The following PLB1 variants were observed in gnomAD, a reference collection of about 807,000 sequenced individuals.
PLB1 encodes the protein phospholipase B1.
Under a neutral mutation model 227.4 loss-of-function variants are expected in PLB1, and 242 were observed. The ratio of observed to expected loss-of-function variants is 1.06; its 90% confidence interval spans 0.96 to 1.18. The LOEUF (loss-of-function observed/expected upper bound fraction) is 1.18. Ranked by LOEUF, PLB1 falls within the 50% of genes most tolerant of loss-of-function variation. PLB1 has a pLI of 0.00. For synonymous variants in PLB1, 757 were observed against 682.2 expected (o/e 1.11, Z -1.71); for missense variants, 1,858 against 1,816.3 (o/e 1.02, Z -0.42).
intron 17 of PLB1, among the ~76,000 whole-genome samples, chr2:28,555,581 A>T (rs377075186): frequency 6.6e-6 from 1 of 152,146 alleles, no homozygotes; most frequent in East Asian, 1.9e-4. Flanking sequence ...TCTTCTGGAG[A>T]TCATGTTTGC....
intron 17 of PLB1, 38 bp downstream of exon 17, chr2:28,553,029 G>A (rs1572929918): frequency 3.2e-6 from 5 of 1,575,774 alleles, no homozygotes; most frequent in East Asian, 2.2e-5. Flanking sequence ...AAATTCATTC[G>A]AGGCCTGAAA....
chr2:28,541,305 A>G (rs2148208320), intron 12 of PLB1, among the ~76,000 whole-genome samples: 1 of 152,346 alleles, frequency 6.6e-6, no homozygotes, highest in African/African-American at 2.4e-5. Flanking sequence ...TTTGCTTATG[A>G]AGAAAATTGC....
At chr2:28,569,978 AAGAAAG>A (rs1209123305) in intron 20 of PLB1, among the ~76,000 whole-genome samples, 2,200 of 114,698 alleles carry the variant, frequency 0.019, 114 homozygotes, top group African/African-American at 0.049. Flanking sequence ...AAAAAAAAAA[AAGAAAG>A]AAAAAAGAAA....
chr2:28,548,794 C>A, intron 14 of PLB1, 66 bp from the exon 15 acceptor site: 1 of 1,491,518 alleles, frequency 6.7e-7, no homozygotes, highest in Non-Finnish European at 9.3e-7. Flanking sequence ...GTCTTTCTCA[C>A]TGGTGACTTG....
At chr2:28,591,112 C>T in intron 29 of PLB1, 21 bp from the exon 30 acceptor site, 1 of 1,614,112 alleles carries the variant, frequency 6.2e-7, no homozygotes, top group Non-Finnish European at 8.5e-7. Context: ...GCTGCCATTG[C>T]TCACCCCCCT....
chr2:28,604,623 C>T (rs1185988388), intron 40 of PLB1, 32 bp from the exon 41 acceptor site: 2 of 1,600,082 alleles, frequency 1.2e-6, no homozygotes, highest in African/African-American at 1.3e-5. Context: ...CACCCAGGGC[C>T]TGGGCTGAAG....
At chr2:28,584,235 G>T (rs1680534267) in intron 25 of PLB1, among the ~76,000 whole-genome samples, 1 of 152,236 alleles carries the variant, frequency 6.6e-6, no homozygotes, top group South Asian at 2.1e-4. Flanking sequence ...GGCCAGACTT[G>T]CTCTTGGAAG....
intron 17 of PLB1, among the ~76,000 whole-genome samples, chr2:28,562,415 AC>A (rs374189509): frequency 7.5e-4 from 114 of 151,494 alleles, no homozygotes; most frequent in African/African-American, 2.7e-3. Flanking sequence ...GGTGATGTGC[AC>A]CTGTATTCCC....
chr2:28,585,501 T>C (rs1274417880), intron 25 of PLB1: 2 of 383,310 alleles, frequency 5.2e-6, no homozygotes, highest in East Asian at 5.3e-5. Context: ...GGTCTTGAAC[T>C]CCTGACCTCA....
At chr2:28,595,538 G>A (rs1345035806) in intron 33 of PLB1, 1 of 152,108 alleles carries the variant, frequency 6.6e-6, no homozygotes, top group Non-Finnish European at 1.5e-5. Flanking sequence ...CATATTAAAG[G>A]CTCTCATAAG....
intron 32 of PLB1, 104 bp downstream of exon 32, chr2:28,592,823 GC>G: frequency 9.3e-7 from 1 of 1,073,712 alleles, no homozygotes; most frequent in South Asian, 1.5e-5. Context: ...GCCTTATCTT[GC>G]CCCTCTACCT....
At chr2:28,615,631 C>T (rs1163987456) in intron 44 of PLB1, among the ~76,000 whole-genome samples, 1 of 152,180 alleles carries the variant, frequency 6.6e-6, no homozygotes, top group Non-Finnish European at 1.5e-5. Flanking sequence ...CCTCATTGAA[C>T]CAGTGACCAA....
intron 16 of PLB1, among the ~76,000 whole-genome samples, chr2:28,551,741 A>G (rs1674293964): frequency 6.6e-6 from 1 of 152,228 alleles, no homozygotes; most frequent in Non-Finnish European, 1.5e-5. Context: ...TGACAGTAAT[A>G]GTCGTACCTT....
intron 1 of PLB1, among the ~76,000 whole-genome samples, chr2:28,510,461 T>G (rs1239535331): frequency 1.3e-5 from 2 of 152,126 alleles, no homozygotes; most frequent in Middle Eastern, 3.2e-3. Context: ...GAGAGCCACA[T>G]GGAGCAAGGC....
chr2:28,533,603 C>A (rs1385265751), intron 9 of PLB1, among the ~76,000 whole-genome samples: 1 of 152,208 alleles, frequency 6.6e-6, no homozygotes, highest in Non-Finnish European at 1.5e-5. Context: ...CTAATAGAAT[C>A]ATTCATCCAT....
At chr2:28,588,516 A>G (rs1573212350) in intron 26 of PLB1, among the ~76,000 whole-genome samples, 3 of 151,940 alleles carry the variant, frequency 2.0e-5, no homozygotes, top group South Asian at 4.2e-4. Flanking sequence ...TTCTGAAGTG[A>G]CCCCATTCAC....
At chr2:28,631,958 C>T in intron 54 of PLB1, 78 bp from the exon 55 acceptor site, 1 of 1,248,982 alleles carries the variant, frequency 8.0e-7, no homozygotes, top group Non-Finnish European at 1.2e-6. Context: ...CGTCAACAAC[C>T]AATCCAAGGC....
At chr2:28,584,562 G>A (rs1680593164) in intron 25 of PLB1, among the ~76,000 whole-genome samples, 2 of 152,148 alleles carry the variant, frequency 1.3e-5, no homozygotes, top group African/African-American at 4.8e-5. Context: ...CAAACTCAAG[G>A]TTCAAAATAG....
Position 28,587,415 on chromosome 2 carries a change from A to G in PLB1, c.1815+1573A>G, listed in dbSNP as rs369622262. Among the ~76,000 whole-genome samples, 19 of 152,192 alleles carry G rather than the reference A, an allele frequency of 1.2e-4. No individual in the cohort carries two copies. The East Asian group carries it at 1.9e-3, about 15-fold the overall frequency. ...AGGATCACTTGAGTTTAGGAGTTCA[A>G]GACCAGCCTGGCCAACATAGTGAAA... On this transcript the variant is annotated intron_variant, in intron 26 of 57. Transcript: ENST00000327757.
Sources: gnomAD v4.1 joint callset for allele counts (sites outside exome capture counted in the v4.1 genomes callset) on GRCh38, gnomAD v4.1.1 for gene constraint, MANE v1.5 for transcripts, NCBI Gene and HGNC (gene_info 2026-07-23, HGNC 2026-07-21) for gene names.